Variants in COA1 observed in about 807,000 individuals in gnomAD.
COA1 encodes cytochrome c oxidase assembly factor 1.
A neutral mutation model predicts 16.0 loss-of-function variants in COA1; 13 were observed. The observed-to-expected ratio is 0.81, with a 90% CI of 0.53 to 1.29. The LOEUF (loss-of-function observed/expected upper bound fraction) is 1.29, where lower values mean the gene tolerates loss of function less well. Among genes scored for constraint, COA1 ranks in the 50% most tolerant of loss-of-function variants. The pLI, the probability that COA1 is intolerant of heterozygous loss-of-function variation, is 0.00. For synonymous variants in COA1, 65 were observed against 65.7 expected (o/e 0.99, Z 0.05); for missense variants, 179 against 177.0 (o/e 1.01, Z -0.06).
At chr7:43,721,938 C>CTGCA (rs2095513275) in intron 1 of COA1, among the ~76,000 whole-genome samples, 1 of 152,104 alleles carries the variant, frequency 6.6e-6, no homozygotes, top group South Asian at 2.1e-4. Context: ...TAATGTAATA[C>CTGCA]TGCATGCTGA....
At chr7:43,665,445 T>C (rs766152773) in intron 1 of COA1, among the ~76,000 whole-genome samples, 7 of 152,206 alleles carry the variant, frequency 4.6e-5, no homozygotes, top group Non-Finnish European at 8.8e-5. Flanking sequence ...AGGAAAGGTA[T>C]TGCTTAGGTA....
intron 1 of COA1, among the ~76,000 whole-genome samples, 177 bp downstream of exon 1, chr7:43,729,252 A>C (rs1430523112): frequency 6.6e-6 from 1 of 152,220 alleles, no homozygotes; most frequent in Admixed American, 6.5e-5. Context: ...CCAGGTGCCA[A>C]AGAAGCTGCG....
chr7:43,682,291 C>G (rs960116757), intron 1 of COA1, among the ~76,000 whole-genome samples: 1 of 152,186 alleles, frequency 6.6e-6, no homozygotes, highest in Non-Finnish European at 1.5e-5. Context: ...AACTTTAAAA[C>G]TGAGAAATTA....
At chr7:43,614,042 T>C (rs1434516141) in intron 6 of COA1, among the ~76,000 whole-genome samples, 1 of 152,174 alleles carries the variant, frequency 6.6e-6, no homozygotes, top group Admixed American at 6.5e-5. Flanking sequence ...AACCTGGGTT[T>C]TAATAGTTAA....
intron 1 of COA1, among the ~76,000 whole-genome samples, chr7:43,706,747 G>A (rs1207339909): frequency 6.6e-6 from 1 of 151,496 alleles, no homozygotes; most frequent in Non-Finnish European, 1.5e-5. Flanking sequence ...GTGCATGCCT[G>A]AGGTCCCAGC....
chr7:43,708,459 TAA>T (rs34433297), intron 1 of COA1, among the ~76,000 whole-genome samples: 21 of 142,800 alleles, frequency 1.5e-4, no homozygotes, highest in Non-Finnish European at 1.7e-4. Flanking sequence ...AGACCTTTTC[TAA>T]AAAAAAAAAA....
At chr7:43,676,142 C>T (rs1044356769) in intron 1 of COA1, among the ~76,000 whole-genome samples, 7 of 152,042 alleles carry the variant, frequency 4.6e-5, no homozygotes, top group Non-Finnish European at 1.0e-4. Context: ...TAAGAAAGTA[C>T]GATTAGTATC....
chr7:43,707,443 G>C (rs1019159344), intron 1 of COA1, among the ~76,000 whole-genome samples: 5 of 151,910 alleles, frequency 3.3e-5, no homozygotes, highest in African/African-American at 1.2e-4. Flanking sequence ...AACAAACCAA[G>C]CACCCATGTA....
intron 6 of COA1, among the ~76,000 whole-genome samples, chr7:43,612,235 T>G (rs1156800067): frequency 6.6e-6 from 1 of 152,206 alleles, no homozygotes; most frequent in Non-Finnish European, 1.5e-5. Flanking sequence ...TTCTCAGCCT[T>G]CCTTCTGCCT....
chr7:43,729,100 A>T (rs1234166975), intron 1 of COA1, among the ~76,000 whole-genome samples: 1 of 152,196 alleles, frequency 6.6e-6, no homozygotes, highest in Admixed American at 6.5e-5. Context: ...CTACCAACAA[A>T]AGTGCCCAGT....
intron 1 of COA1, among the ~76,000 whole-genome samples, chr7:43,653,576 T>G (rs1297861356): frequency 3.0e-4 from 45 of 152,144 alleles, no homozygotes. Flanking sequence ...ATAACTTGAA[T>G]GCTTGTAGAG....
At chr7:43,645,199 C>G in intron 4 of COA1, 52 bp downstream of exon 4, 1 of 1,587,140 alleles carries the variant, frequency 6.3e-7, no homozygotes, top group Non-Finnish European at 8.6e-7. Context: ...ACAGTAGACT[C>G]TCCTCTCCTT....
At chr7:43,703,883 T>C (rs1207425272) in intron 1 of COA1, among the ~76,000 whole-genome samples, 1 of 152,206 alleles carries the variant, frequency 6.6e-6, no homozygotes. Flanking sequence ...TATTAGCTAG[T>C]TGTTATGTAG....
intron 1 of COA1, among the ~76,000 whole-genome samples, chr7:43,672,162 CCTAA>C (rs2093301407): frequency 6.6e-6 from 1 of 152,036 alleles, no homozygotes. Flanking sequence ...TGGACTCCTC[CCTAA>C]CTCATTATTT....
chr7:43,611,234 C>T (rs2082849289), intron 6 of COA1, among the ~76,000 whole-genome samples: 1 of 152,074 alleles, frequency 6.6e-6, no homozygotes, highest in Admixed American at 6.5e-5. Flanking sequence ...TACTAGTTTC[C>T]TACAGAAAAA....
chr7:43,649,877 TGC>T (rs10562752), intron 1 of COA1: 65,876 of 151,972 alleles, frequency 0.43, 14,724 homozygotes, highest in African/African-American at 0.56. Flanking sequence ...ACCAGACATA[TGC>T]ACCAAGAGAG....
chr7:43,655,136 T>A (rs1465586458), intron 1 of COA1, among the ~76,000 whole-genome samples: 1 of 152,162 alleles, frequency 6.6e-6, no homozygotes, highest in Non-Finnish European at 1.5e-5. Flanking sequence ...AACAGAAACA[T>A]CTAGTGTTTT....
intron 1 of COA1, among the ~76,000 whole-genome samples, chr7:43,709,434 TTGTGTGTG>T (rs59823123): frequency 7.4e-4 from 108 of 144,988 alleles, no homozygotes; most frequent in East Asian, 2.0e-3. Flanking sequence ...CTTTGTTTTA[TTGTGTGTG>T]TGTGTGTGTG....
At chr7:43,664,791 CAGAGCT>C (rs1352992075) in intron 1 of COA1, among the ~76,000 whole-genome samples, 1 of 152,200 alleles carries the variant, frequency 6.6e-6, no homozygotes, top group Non-Finnish European at 1.5e-5. Context: ...AAGCCTGCTC[CAGAGCT>C]AGCCATCAGC....
Sources: gnomAD v4.1 joint callset for allele counts (sites outside exome capture counted in the v4.1 genomes callset) on GRCh38, gnomAD v4.1.1 for gene constraint, MANE v1.5 for transcripts, NCBI Gene and HGNC (gene_info 2026-07-23, HGNC 2026-07-21) for gene names.